The following ANO3 variants were observed in gnomAD, a reference collection of about 807,000 sequenced individuals.
ANO3 encodes the protein anoctamin 3.
A neutral mutation model predicts 144.8 loss-of-function variants in ANO3; 99 were observed. The observed-to-expected ratio is 0.68, with a 90% CI of 0.58 to 0.81. The LOEUF (loss-of-function observed/expected upper bound fraction) is 0.81, where lower values mean the gene tolerates loss of function less well. Among genes scored for constraint, ANO3 ranks in the 30% least tolerant of loss-of-function variants. ANO3 has a pLI of 0.00. For synonymous variants in ANO3, 414 were observed against 392.6 expected, an observed-to-expected ratio of 1.05 and a Z score of -0.64; for missense variants, 905 against 1,202.2, an observed-to-expected ratio of 0.75 and a Z score of 3.66.
intron 4 of ANO3, among the ~76,000 whole-genome samples, chr11:26,479,688 GAC>G (rs2134085659): frequency 1.3e-5 from 2 of 152,218 alleles, no homozygotes. Flanking sequence ...TTCAGGTGGG[GAC>G]ACAGCCAAAC....
intron 1 of ANO3, among the ~76,000 whole-genome samples, chr11:26,394,445 T>G (rs1408692401): frequency 6.6e-5 from 10 of 151,964 alleles, no homozygotes; most frequent in Non-Finnish European, 1.3e-4. Context: ...AATGATAACT[T>G]TGGCCAAATA....
chr11:26,622,701 A>T (rs1852455437), intron 17 of ANO3, among the ~76,000 whole-genome samples: 1 of 152,194 alleles, frequency 6.6e-6, no homozygotes, highest in Non-Finnish European at 1.5e-5. Flanking sequence ...TGACTTTGCT[A>T]CTTGCTCAGT....
intron 1 of ANO3, among the ~76,000 whole-genome samples, chr11:26,416,586 C>A (rs926270086): frequency 6.6e-6 from 1 of 151,846 alleles, no homozygotes; most frequent in Non-Finnish European, 1.5e-5. Flanking sequence ...TCCACCATGC[C>A]CAGCTAGTTT....
At chr11:26,198,996 G>T (rs1298360360) in intron 1 of ANO3, among the ~76,000 whole-genome samples, 10 of 152,126 alleles carry the variant, frequency 6.6e-5, no homozygotes, top group African/African-American at 2.4e-4. Context: ...TAAAGTAGTG[G>T]GAGGTTAAGT....
intron 1 of ANO3, among the ~76,000 whole-genome samples, chr11:26,197,127 T>C (rs1265118702): frequency 2.0e-5 from 3 of 152,278 alleles, no homozygotes; most frequent in South Asian, 2.1e-4. Flanking sequence ...TCCTCATCCA[T>C]GGGTGTCCAG....
At chr11:26,317,478 G>T (rs758004326) in intron 1 of ANO3, among the ~76,000 whole-genome samples, 5 of 151,496 alleles carry the variant, frequency 3.3e-5, no homozygotes, top group Admixed American at 6.6e-5. Flanking sequence ...CTCAAAAGAA[G>T]ACATTTATGC....
chr11:26,453,673 A>C (rs1859035737), intron 3 of ANO3, among the ~76,000 whole-genome samples: 2 of 152,156 alleles, frequency 1.3e-5, no homozygotes, highest in South Asian at 4.1e-4. Flanking sequence ...CAGATCAACG[A>C]GAAAGAAAGT....
At chr11:26,648,934 T>A (rs1853436408) in intron 24 of ANO3, among the ~76,000 whole-genome samples, 1 of 152,206 alleles carries the variant, frequency 6.6e-6, no homozygotes, top group African/African-American at 2.4e-5. Flanking sequence ...CTCAGATCAA[T>A]GAAATACCTT....
chr11:26,275,433 G>A (rs112078928), intron 1 of ANO3, among the ~76,000 whole-genome samples: 1 of 152,054 alleles, frequency 6.6e-6, no homozygotes, highest in Non-Finnish European at 1.5e-5. Context: ...TTCACTTTCT[G>A]TTTGGTAGCC....
intron 1 of ANO3, among the ~76,000 whole-genome samples, chr11:26,251,205 TTC>T (rs1190044502): frequency 6.6e-6 from 1 of 152,214 alleles, no homozygotes; most frequent in African/African-American, 2.4e-5. Flanking sequence ...ACACTTTTTT[TTC>T]CATGAAATTT....
intron 3 of ANO3, among the ~76,000 whole-genome samples, chr11:26,450,369 C>G (rs1162934788): frequency 6.6e-6 from 1 of 152,130 alleles, no homozygotes; most frequent in Non-Finnish European, 1.5e-5. Context: ...TGTCAGTACC[C>G]TCATTGCTAC....
chr11:26,370,489 C>A (rs1166366584), intron 1 of ANO3, among the ~76,000 whole-genome samples: 1 of 151,958 alleles, frequency 6.6e-6, no homozygotes, highest in East Asian at 1.9e-4. Flanking sequence ...TGCAAAAATA[C>A]CCAAAAATGT....
At chr11:26,530,048 A>G (rs1397072773) in intron 7 of ANO3, among the ~76,000 whole-genome samples, 2 of 152,128 alleles carry the variant, frequency 1.3e-5, no homozygotes, top group Non-Finnish European at 2.9e-5. Context: ...AGGCCTATGA[A>G]TTAGTATCTG....
At chr11:26,217,391 G>A (rs1852055508) in intron 1 of ANO3, among the ~76,000 whole-genome samples, 1 of 151,890 alleles carries the variant, frequency 6.6e-6, no homozygotes, top group Non-Finnish European at 1.5e-5. Flanking sequence ...ACTTCAAGGA[G>A]TGTAAATGTC....
At chr11:26,348,808 G>A (rs1325580142) in intron 1 of ANO3, among the ~76,000 whole-genome samples, 1 of 152,202 alleles carries the variant, frequency 6.6e-6, no homozygotes, top group Non-Finnish European at 1.5e-5. Flanking sequence ...CATTCTTATG[G>A]TGAAACTGTT....
intron 1 of ANO3, among the ~76,000 whole-genome samples, chr11:26,380,653 T>C (rs9971585): frequency 0.034 from 5,129 of 152,232 alleles, 163 homozygotes; most frequent in African/African-American, 0.08. Context: ...GGTTTTAACA[T>C]ATGAATTTTC....
chr11:26,517,241 C>A (rs967336364), intron 6 of ANO3, among the ~76,000 whole-genome samples: 2 of 151,922 alleles, frequency 1.3e-5, no homozygotes, highest in African/African-American at 2.4e-5. Flanking sequence ...GGGCAGAACT[C>A]TTTTTAGTTT....
intron 4 of ANO3, among the ~76,000 whole-genome samples, chr11:26,485,768 A>G (rs1226112323): frequency 1.3e-5 from 2 of 152,220 alleles, no homozygotes; most frequent in Non-Finnish European, 2.9e-5. Flanking sequence ...AAACCTAGGG[A>G]AAAATCTTCT....
chr11:26,598,597 A>G (rs1255032304), intron 15 of ANO3, 150 bp downstream of exon 15: 1 of 645,940 alleles, frequency 1.5e-6, no homozygotes, highest in Non-Finnish European at 2.6e-6. Context: ...TTTTATGAAG[A>G]TAATAGAGAT....
Sources: allele counts gnomAD v4.1 joint callset (sites outside exome capture counted in the v4.1 genomes callset), GRCh38; gene constraint gnomAD v4.1.1; transcripts MANE v1.5; gene names NCBI Gene and HGNC (gene_info 2026-07-23, HGNC 2026-07-21).